The following NIPAL2 variants were observed in gnomAD, a reference collection of about 807,000 sequenced individuals.
The protein encoded by NIPAL2 is NIPA-like protein 2.
Under a neutral mutation model 48.9 loss-of-function variants are expected in NIPAL2, and 43 were observed. That is an observed-to-expected ratio of 0.88 (90% CI 0.69 to 1.13). The LOEUF (loss-of-function observed/expected upper bound fraction) is 1.13. Ranked by LOEUF, NIPAL2 falls within the 50% of genes most tolerant of loss-of-function variation. NIPAL2 has a pLI of 0.00. For synonymous variants in NIPAL2, 167 were observed against 174.6 expected, an observed-to-expected ratio of 0.96 and a Z score of 0.34; for missense variants, 446 against 461.4, an observed-to-expected ratio of 0.97 and a Z score of 0.31.
chr8:98,214,325 G>A (rs937871139), intron 5 of NIPAL2, among the ~76,000 whole-genome samples: 1 of 151,904 alleles, frequency 6.6e-6, no homozygotes, highest in South Asian at 2.1e-4. Flanking sequence ...CACCACGCCC[G>A]GCTAATTTTT....
chr8:98,204,928 A>G (rs534047611), intron 7 of NIPAL2, among the ~76,000 whole-genome samples, 183 bp downstream of exon 7: 2 of 152,270 alleles, frequency 1.3e-5, no homozygotes, highest in Admixed American at 1.3e-4. Context: ...AACGCTTCAT[A>G]AAAACTCATT....
intron 6 of NIPAL2, among the ~76,000 whole-genome samples, chr8:98,208,571 C>A (rs376608955): frequency 1.1e-4 from 17 of 152,198 alleles, no homozygotes; most frequent in African/African-American, 3.4e-4. Context: ...GCCTCAGCCT[C>A]CTGAGTAGCT....
intron 1 of NIPAL2, among the ~76,000 whole-genome samples, chr8:98,286,833 A>AC (rs1563560006): frequency 1.5e-5 from 2 of 134,520 alleles, no homozygotes; most frequent in African/African-American, 3.8e-5. Flanking sequence ...AAAAAAAAAA[A>AC]ACCAAAAACA....
At chr8:98,277,925 C>A (rs1270178597) in intron 1 of NIPAL2, among the ~76,000 whole-genome samples, 1 of 152,136 alleles carries the variant, frequency 6.6e-6, no homozygotes, top group African/African-American at 2.4e-5. Context: ...GTTCTTGCAT[C>A]TTATTTTTTT....
rs1218563020 is a variant in NIPAL2 at position 98,205,242 on chromosome 8, T to C, written c.660A>G (p.Ser220=). Residue 220 remains serine, a synonymous_variant, in exon 7 of 11, where the codon TCA becomes TCG. Transcript: ENST00000430223. Reference sequence around the variant, plus strand: ...CGGCCTTTACTGAAATAACAGTCAATGAGGCTGAAAAAGAAAACAAAAAAC... The same window carrying C: ...CGGCCTTTACTGAAATAACAGTCAACGAGGCTGAAAAAGAAAACAAAAAAC... ...ILLTLVAILA[S]LTVISVKAVS... 1 of 1,604,528 alleles carries C rather than the reference T, an allele frequency of 6.2e-7. No individual in the cohort carries two copies.
intron 3 of NIPAL2, among the ~76,000 whole-genome samples, chr8:98,246,945 A>T (rs564185930): frequency 6.6e-6 from 1 of 152,256 alleles, no homozygotes; most frequent in East Asian, 1.9e-4. Context: ...AATTCTTTGG[A>T]TTGTTGATAA....
In NIPAL2 at chr8:98,260,328, C is replaced by T. The variant is rs546079410; in HGVS notation, c.136-6241G>A. On this transcript the variant is annotated intron_variant, in intron 1 of 10. Coordinates refer to ENST00000430223, the MANE Select transcript of NIPAL2 (RefSeq NM_001321635.2). ...GGTCTACAGCTCCCAGTGTGAGCGA[C>T]GCAGAAGACGGTGATTTCTGCATTT... Among the ~76,000 whole-genome samples, 16 of 152,318 alleles carry T rather than the reference C, an allele frequency of 1.1e-4. No individual in the cohort carries two copies. In the South Asian group the frequency reaches 2.9e-3, roughly 28 times the overall value.
At chr8:98,208,684 G>T (rs1397846184) in intron 6 of NIPAL2, among the ~76,000 whole-genome samples, 1 of 151,986 alleles carries the variant, frequency 6.6e-6, no homozygotes, top group Non-Finnish European at 1.5e-5. Flanking sequence ...CCTGACCTTA[G>T]GTGATCCACC....
At chr8:98,282,941 G>A (rs766191023) in intron 1 of NIPAL2, among the ~76,000 whole-genome samples, 36 of 152,180 alleles carry the variant, frequency 2.4e-4, no homozygotes, top group Non-Finnish European at 4.1e-4. Context: ...ATGCTATTGG[G>A]TTGTTGTGTC....
intron 1 of NIPAL2, among the ~76,000 whole-genome samples, chr8:98,272,762 G>A (rs749019378): frequency 6.6e-6 from 1 of 151,974 alleles, no homozygotes; most frequent in Non-Finnish European, 1.5e-5. Context: ...CTACAGACGC[G>A]TGGCACAATG....
intron 3 of NIPAL2, among the ~76,000 whole-genome samples, chr8:98,238,290 G>T (rs1586373504): frequency 6.6e-6 from 1 of 152,292 alleles, no homozygotes; most frequent in East Asian, 1.9e-4. Context: ...GTACAGGAAA[G>T]AAAAGTTATC....
intron 3 of NIPAL2, among the ~76,000 whole-genome samples, chr8:98,241,854 A>G (rs942929644): frequency 4.6e-5 from 7 of 152,184 alleles, no homozygotes; most frequent in African/African-American, 9.7e-5. Context: ...CAGCGTCTCA[A>G]TGAGATAGTT....
At chr8:98,286,177 T>G (rs532256432) in intron 1 of NIPAL2, among the ~76,000 whole-genome samples, 1 of 152,286 alleles carries the variant, frequency 6.6e-6, no homozygotes, top group South Asian at 2.1e-4. Flanking sequence ...CCTTACCAGA[T>G]GCAGCCCCTG....
chr8:98,263,921 G>T (rs1401675631), intron 1 of NIPAL2, among the ~76,000 whole-genome samples: 1 of 131,998 alleles, frequency 7.6e-6, no homozygotes, highest in Non-Finnish European at 1.6e-5. Flanking sequence ...ACATCAAAAA[G>T]CTTATCCACC....
intron 1 of NIPAL2, among the ~76,000 whole-genome samples, chr8:98,289,741 T>C (rs1174500901): frequency 8.6e-5 from 13 of 152,020 alleles, no homozygotes; most frequent in Non-Finnish European, 1.8e-4. Context: ...AAATCAAGTA[T>C]AAACAAAACA....
intron 4 of NIPAL2, among the ~76,000 whole-genome samples, chr8:98,230,685 A>G (rs1452729540): frequency 6.6e-6 from 1 of 152,196 alleles, no homozygotes; most frequent in Non-Finnish European, 1.5e-5. Context: ...CTGTTGCAAA[A>G]GTCTTCTATA....
chr8:98,261,337 G>A (rs370901526), intron 1 of NIPAL2, among the ~76,000 whole-genome samples: 4 of 132,036 alleles, frequency 3.0e-5, no homozygotes, highest in Admixed American at 7.8e-5. Flanking sequence ...TCTGAGCTAC[G>A]GGAGGACATT....
intron 8 of NIPAL2, 141 bp from the exon 9 acceptor site, chr8:98,196,146 A>G: frequency 4.0e-6 from 2 of 499,546 alleles, no homozygotes; most frequent in South Asian, 5.7e-5. Context: ...TCAGCAGTTT[A>G]GTTTAAGAAA....
chr8:98,206,836 T>C (rs1183696137), intron 6 of NIPAL2, among the ~76,000 whole-genome samples: 2 of 151,450 alleles, frequency 1.3e-5, no homozygotes, highest in African/African-American at 4.9e-5. Flanking sequence ...GGTGATAAAT[T>C]CTAAAAACAA....
Sources: allele counts gnomAD v4.1 joint callset (sites outside exome capture counted in the v4.1 genomes callset), GRCh38; gene constraint gnomAD v4.1.1; transcripts MANE v1.5; gene names NCBI Gene and HGNC (gene_info 2026-07-23, HGNC 2026-07-21).